The following C4orf50 variants were observed in gnomAD, a reference collection of about 807,000 sequenced individuals.
The protein encoded by C4orf50 is uncharacterized protein C4orf50.
A neutral mutation model predicts 77.2 loss-of-function variants in C4orf50; 80 were observed. The observed-to-expected ratio is 1.04, with a 90% CI of 0.87 to 1.25. C4orf50 has a LOEUF of 1.25. C4orf50 is among the 50% of genes most tolerant of loss of function. The pLI is 0.00. For missense variants in C4orf50, 1,257 were observed against 1,152.9 expected (o/e 1.09, Z -1.31); for synonymous variants, 532 against 465.3 (o/e 1.14, Z -1.84).
intron 7 of C4orf50, among the ~76,000 whole-genome samples, chr4:5,917,964 G>A (rs1197590319): frequency 6.6e-6 from 1 of 152,148 alleles, no homozygotes; most frequent in African/African-American, 2.4e-5. Flanking sequence ...TCATCAGAGA[G>A]CCGGGGACTG....
At chr4:5,960,953 G>A (rs990827331) in intron 33 of C4orf50, among the ~76,000 whole-genome samples, 1 of 152,160 alleles carries the variant, frequency 6.6e-6, no homozygotes, top group Non-Finnish European at 1.5e-5. Flanking sequence ...TTCGAGACCA[G>A]CCTGGCCAAC....
intron 7 of C4orf50, among the ~76,000 whole-genome samples, chr4:5,947,011 G>C (rs1478945407): frequency 6.6e-6 from 1 of 152,214 alleles, no homozygotes; most frequent in Non-Finnish European, 1.5e-5. Context: ...TTTCAATAAA[G>C]ATGACAGCCA....
intron 25 of C4orf50, among the ~76,000 whole-genome samples, chr4:6,006,911 G>A (rs144003103): frequency 6.6e-6 from 1 of 152,306 alleles, no homozygotes; most frequent in East Asian, 1.9e-4. Context: ...TTGCCACCAG[G>A]GTACTGTTGT....
intron 29 of C4orf50, 40 bp downstream of exon 7, chr4:5,980,134 G>A (rs1245672808): frequency 3.9e-6 from 6 of 1,525,848 alleles, no homozygotes; most frequent in South Asian, 2.5e-5. Context: ...GGGTGTGGGA[G>A]CCCTGGCTGA....
Position 6,008,405 on chromosome 4 carries a change from C to G in C4orf50, c.554G>C (p.Arg185Pro), listed in dbSNP as rs905102462. Reference sequence around the variant, plus strand: ...CTCCCGCACCAGGCCCAGCTGGCGCCGCTGGGTCCGCCGGCAGCGCTCCAG... The same window carrying G: ...CTCCCGCACCAGGCCCAGCTGGCGCGGCTGGGTCCGCCGGCAGCGCTCCAG... Residue 185 changes from arginine to proline, a missense_variant, in exon 25 of 34, where the codon CGG (arginine) becomes CCG (proline). Physicochemically the swap from Arg to Pro is moderately radical, Grantham distance 103 (BLOSUM62 -2). Coordinates refer to ENST00000531445, the Ensembl canonical transcript of C4orf50. The surrounding 1 kb of genome is among the most constrained non-coding windows in gnomAD (Gnocchi z 6.0). The G allele has an allele frequency of 1.3e-4, 50 of 394,402 alleles. No individual in the cohort carries two copies. The highest frequency in any genetic ancestry group is 2.1e-5 in the African/African-American group (1 of 48,328). 24.4% of individuals were successfully genotyped at this position (394,402 alleles called of 1,614,324 possible). A position where few individuals can be genotyped will look rare whatever the true frequency, so the allele number is the denominator to read the frequency against.
At chr4:6,004,182 G>C (rs1577991952) in intron 25 of C4orf50, among the ~76,000 whole-genome samples, 3 of 87,816 alleles carry the variant, frequency 3.4e-5, no homozygotes, top group East Asian at 6.2e-4. Flanking sequence ...GGTGATGATG[G>C]TGATGGTGAT....
rs541439608 is a variant in C4orf50 at position 6,011,299 on chromosome 4, C to T, written c.426+531G>A. On this transcript the variant is annotated intron_variant, in intron 24 of 33. Transcript: ENST00000531445. This position sits in a 1 kb window ranked among gnomAD's most constrained non-coding sequence, Gnocchi z 4.2. ...CGACTCACCCACTCCGTCCCCAGCA[C>T]GGTGATATCCTCTGTGTTCTCCCAC... is the stretch of plus-strand genomic sequence containing the variant. Among the ~76,000 whole-genome samples the T allele has an allele frequency of 3.3e-5, 5 of 152,140 alleles. No homozygotes were observed. The highest frequency in any genetic ancestry group is 2.0e-4 in the Admixed American group (3 of 15,274).
rs374412017 is a variant in C4orf50 at position 5,926,870 on chromosome 4, T to C, written c.*2475-28682A>G. 6.6e-5 allele frequency among the ~76,000 whole-genome samples: 10 copies of C among 152,308 alleles called. No homozygotes were observed. In the East Asian group the frequency reaches 1.9e-3, roughly 29 times the overall value. On this transcript the variant is annotated intron_variant, in intron 7 of 7. Coordinates refer to the C4orf50 transcript ENST00000324058. Reference sequence around the variant, plus strand: ...AAAGTGGCTCTGCGGCTCATCCATATTCATTCATTCACTGACCATTCATCC... The same window carrying C: ...AAAGTGGCTCTGCGGCTCATCCATACTCATTCATTCACTGACCATTCATCC...
In C4orf50 at chr4:5,932,548, G is replaced by A. The variant is rs966707377; in HGVS notation, c.*2474+24353C>T. Among the ~76,000 whole-genome samples, 4 of 152,128 alleles carry A rather than the reference G, an allele frequency of 2.6e-5. No individual in the cohort carries two copies. The highest frequency in any genetic ancestry group is 6.5e-5 in the Admixed American group (1 of 15,270). On this transcript the variant is annotated intron_variant, in intron 7 of 7. Transcript: ENST00000324058. The surrounding 1 kb of genome is among the most constrained non-coding windows in gnomAD (Gnocchi z 4.2). ...CCTCCCAGGCTCAATTGATCCTCCC[G>A]CCTCAGCCTCCTGAGTAGCTGCAAC... is the stretch of plus-strand genomic sequence containing the variant.
chr4:5,985,277 G>C (rs182413332), intron 28 of C4orf50, among the ~76,000 whole-genome samples: 144 of 152,124 alleles, frequency 9.5e-4, no homozygotes, highest in African/African-American at 3.3e-3. Flanking sequence ...AGAAGAGTAA[G>C]AAAGAAAGAA....
intron 26 of C4orf50, 84 bp downstream of exon 4, chr4:5,994,263 G>A (rs923547967): frequency 1.3e-5 from 5 of 398,064 alleles, no homozygotes; most frequent in East Asian, 3.6e-5. Context: ...CTGCGTCATC[G>A]GGACATGATA....
At chr4:5,973,631 AC>A (rs1720060920) in intron 31 of C4orf50, 27 bp downstream of exon 9, 1 of 1,584,340 alleles carries the variant, frequency 6.3e-7, no homozygotes, top group Non-Finnish European at 8.6e-7. Flanking sequence ...CATAGGAAGC[AC>A]AGACAGGGCC....
chr4:5,969,718 C>T (rs936342631), intron 31 of C4orf50, among the ~76,000 whole-genome samples: 3 of 152,126 alleles, frequency 2.0e-5, no homozygotes, highest in South Asian at 2.1e-4. Flanking sequence ...GGTACAGCAG[C>T]CCCCACCTGG....
At chr4:5,961,793 G>A (rs1719292886) in intron 33 of C4orf50, among the ~76,000 whole-genome samples, 1 of 152,056 alleles carries the variant, frequency 6.6e-6, no homozygotes, top group Non-Finnish European at 1.5e-5. Context: ...TTCAGGACAT[G>A]TCTGTATACT....
exon 28 of C4orf50, chr4:5,990,041 G>A (rs2108791495): frequency 7.4e-7 from 1 of 1,348,772 alleles, no homozygotes; most frequent in Non-Finnish European, 9.5e-7. Flanking sequence ...AAGGTGGCTG[G>A]GGGTGCCACT....
chr4:5,961,529 A>G (rs6856200), intron 33 of C4orf50, among the ~76,000 whole-genome samples: 8,272 of 152,276 alleles, frequency 0.054, 766 homozygotes, highest in African/African-American at 0.19. Flanking sequence ...TGCTATTATT[A>G]TCATCCCATC....
At chr4:5,945,038 C>T (rs1718421253) in intron 7 of C4orf50, among the ~76,000 whole-genome samples, 1 of 152,136 alleles carries the variant, frequency 6.6e-6, no homozygotes, top group African/African-American at 2.4e-5. Context: ...CAAGGCTCCA[C>T]GCCTGTCCCC....
At chr4:5,954,077 C>T (rs1044210551), downstream of C4orf50, among the ~76,000 whole-genome samples, 5 of 152,240 alleles carry the variant, frequency 3.3e-5, no homozygotes, top group African/African-American at 9.6e-5. The surrounding 1 kb of genome is among the most constrained non-coding windows in gnomAD (Gnocchi z 4.7). Flanking sequence ...GTGAGCCCCA[C>T]TCAGCAGCCA....
chr4:5,937,326 G>A (rs4539987), intron 7 of C4orf50, among the ~76,000 whole-genome samples: 39,180 of 151,960 alleles, frequency 0.26, 6,757 homozygotes, highest in African/African-American at 0.5. Flanking sequence ...AGGATTCTCT[G>A]TGCGTGAGGA....
Sources: allele counts gnomAD v4.1 joint callset (sites outside exome capture counted in the v4.1 genomes callset), GRCh38; gene constraint gnomAD v4.1.1; non-coding constraint Gnocchi (gnomAD v3.1); transcripts MANE v1.5; gene names NCBI Gene and HGNC (gene_info 2026-07-23, HGNC 2026-07-21).